NRF1: variants seen among roughly 807,000 people sequenced by gnomAD.
NRF1 encodes the protein alpha palindromic-binding protein.
NRF1 carries 5 observed loss-of-function variants against 58.5 expected under a neutral mutation model. The observed-to-expected ratio is 0.09, with a 90% confidence interval of 0.04 to 0.18. The LOEUF is 0.18. NRF1 is among the 10% of genes least tolerant of loss of function. The probability of loss-of-function intolerance (pLI) is 1.00; values close to 1 mark genes in which losing one functional copy is unlikely to be tolerated. For synonymous variants in NRF1, 224 were observed against 246.7 expected (o/e 0.91, Z 0.86); for missense variants, 288 against 657.7 (o/e 0.44, Z 6.15).
intron 3 of NRF1, among the ~76,000 whole-genome samples, chr7:129,673,512 G>A (rs956771689): frequency 2.0e-5 from 3 of 148,502 alleles, no homozygotes; most frequent in Admixed American, 1.3e-4. Flanking sequence ...GGCGGATCAC[G>A]AGGTCAGGAG....
rs370373936 is a variant in NRF1, at chr7:129,669,594, TA to T, written c.224-1829del. Among the ~76,000 whole-genome samples the T allele has an allele frequency of 1.9e-4, 29 of 152,224 alleles. No homozygotes were observed. The East Asian group carries it at 3.5e-3, about 18-fold the overall frequency. On this transcript the variant is annotated intron_variant, in intron 2 of 10. Coordinates refer to ENST00000393232, the MANE Select transcript of NRF1 (RefSeq NM_005011.5). The stretch of plus-strand genomic sequence containing the variant: ...CTGCAAGAAACCAAATAACTCAATA[TA>T]AAAAATGGGCAAGGGACTCGAATAA...
intron 4 of NRF1, among the ~76,000 whole-genome samples, chr7:129,678,836 A>T (rs1426408577): frequency 6.6e-6 from 1 of 152,190 alleles, no homozygotes; most frequent in Admixed American, 6.5e-5. Context: ...ATACTTCAGA[A>T]AATTACTCAC....
Position 129,755,256 on chromosome 7 carries a change from T to G in NRF1, c.*75T>G. 1 of 1,287,426 alleles carries G rather than the reference T, an allele frequency of 7.8e-7. No individual in the cohort carries two copies. Among genetic ancestry groups the G allele is most frequent in the Non-Finnish European group, 1.0e-6 (1 of 968,554 alleles). The allele number at this position is 1,287,426 out of a possible 1,614,324, so 79.8% of individuals were successfully genotyped here. On this transcript the variant is annotated 3_prime_UTR_variant, in exon 11 of 11. Coordinates refer to ENST00000393232, the MANE Select transcript of NRF1 (RefSeq NM_005011.5). The surrounding 1 kb of genome is among the most constrained non-coding windows in gnomAD (Gnocchi z 5.8). ...ACACGTTTGCAGAGGTGCAATCAAATGGAATTAAGTCTCTCGACTTTGGAA... is the reference window on the plus strand; with the variant it reads ...ACACGTTTGCAGAGGTGCAATCAAAGGGAATTAAGTCTCTCGACTTTGGAA...
In NRF1 at chr7:129,666,844, T is replaced by C. The variant is rs956572604; in HGVS notation, c.224-4585T>C. ...CCGCATCCAGCCTGAATATTTCACA[T>C]ATTGGTAGATAATCAGGTTGTTTGT... On this transcript the variant is annotated intron_variant, in intron 2 of 10. Coordinates refer to ENST00000393232, the MANE Select transcript of NRF1 (RefSeq NM_005011.5). 3.3e-5 allele frequency among the ~76,000 whole-genome samples: 5 copies of C among 152,238 alleles called. No individual in the cohort carries two copies. In the East Asian group the frequency reaches 9.6e-4, roughly 29 times the overall value.
At chr7:129,697,606 CAGAT>C (rs1259184325) in intron 5 of NRF1, among the ~76,000 whole-genome samples, 8 of 152,034 alleles carry the variant, frequency 5.3e-5, no homozygotes, top group South Asian at 2.1e-4. Flanking sequence ...AAGCTAGTGA[CAGAT>C]AGAACTTAGG....
At chr7:129,678,515 A>T (rs1256234980) in intron 4 of NRF1, among the ~76,000 whole-genome samples, 1 of 152,096 alleles carries the variant, frequency 6.6e-6, no homozygotes, top group Admixed American at 6.6e-5. Context: ...TATTTTTTTC[A>T]CACCATCTTC....
At chr7:129,612,522 A>G (rs1233124368) in intron 1 of NRF1, among the ~76,000 whole-genome samples, 2 of 152,162 alleles carry the variant, frequency 1.3e-5, no homozygotes, top group African/African-American at 2.4e-5. Flanking sequence ...AGGAGGGCGC[A>G]AAGTCCTTTT....
At chr7:129,696,947 A>C (rs1802712927) in intron 5 of NRF1, among the ~76,000 whole-genome samples, 1 of 152,198 alleles carries the variant, frequency 6.6e-6, no homozygotes, top group Non-Finnish European at 1.5e-5. Flanking sequence ...CTTCTGATGA[A>C]ATATATGCCC....
intron 1 of NRF1, among the ~76,000 whole-genome samples, chr7:129,645,601 G>A (rs1172167655): frequency 1.3e-5 from 2 of 152,076 alleles, no homozygotes; most frequent in Non-Finnish European, 2.9e-5. Context: ...CATTTTCTTT[G>A]GTTTCCAAAA....
intron 6 of NRF1, among the ~76,000 whole-genome samples, chr7:129,710,008 G>A (rs542804746): frequency 6.6e-6 from 1 of 152,110 alleles, no homozygotes; most frequent in Non-Finnish European, 1.5e-5. Context: ...GGGATTACAG[G>A]CGTGAGCCAC....
intron 10 of NRF1, among the ~76,000 whole-genome samples, chr7:129,746,794 T>G (rs1447109966): frequency 1.3e-5 from 2 of 152,254 alleles, no homozygotes; most frequent in African/African-American, 4.8e-5. Context: ...CCCTTTGGGT[T>G]TTAAGAATTA....
At position 129,704,848 on chromosome 7, in the gene NRF1, T is replaced by C. The variant is rs189690466; in HGVS notation, c.607-4227T>C. ...AGATCTTCAAATTAGGGATGCTCAATCTCTCCAGATTAAGGATTAAAACTG... is the reference window on the plus strand; with the variant it reads ...AGATCTTCAAATTAGGGATGCTCAACCTCTCCAGATTAAGGATTAAAACTG... On this transcript the variant is annotated intron_variant, in intron 5 of 10. Transcript: ENST00000393232. Among the ~76,000 whole-genome samples the C allele has an allele frequency of 1.9e-3, 293 of 152,336 alleles. 8 individuals are homozygous for C. The highest frequency in any genetic ancestry group is 0.015 in the Admixed American group (224 of 15,308).
At chr7:129,721,622 C>T (rs1016761135) in intron 9 of NRF1, among the ~76,000 whole-genome samples, 1 of 151,904 alleles carries the variant, frequency 6.6e-6, no homozygotes, top group Admixed American at 6.6e-5. Context: ...GCTGGGACTA[C>T]AGGCGCCCAC....
rs1269068773 is a variant in NRF1, at chr7:129,757,064, A to T, written c.*1883A>T. 3 of 152,590 alleles carry T rather than the reference A, an allele frequency of 2.0e-5. No individual in the cohort carries two copies. The highest frequency in any genetic ancestry group is 4.4e-5 in the Non-Finnish European group (3 of 68,034). The allele number at this position is 152,590 out of a possible 1,614,324, so 9.5% of individuals were successfully genotyped here. On this transcript the variant is annotated 3_prime_UTR_variant, in exon 11 of 11. Coordinates refer to ENST00000393232, the MANE Select transcript of NRF1 (RefSeq NM_005011.5). ...TGACTGCCTCATTCAATAAATAGTT[A>T]AAAATGTGGCAACAGGAAGTGGAAT...
chr7:129,748,298 A>G (rs1214568819), intron 10 of NRF1, among the ~76,000 whole-genome samples: 1 of 149,100 alleles, frequency 6.7e-6, no homozygotes, highest in African/African-American at 2.5e-5. Flanking sequence ...AAAAAAAAAG[A>G]CAGTCTTGCC....
chr7:129,671,580 A>C, intron 3 of NRF1, 37 bp downstream of exon 3: 1 of 1,105,628 alleles, frequency 9.0e-7, no homozygotes, highest in Non-Finnish European at 1.4e-6. Context: ...ACTATTCCTC[A>C]AATACTTCCT....
intron 3 of NRF1, among the ~76,000 whole-genome samples, chr7:129,677,034 A>G (rs1802197742): frequency 9.1e-6 from 1 of 109,806 alleles, no homozygotes; most frequent in Non-Finnish European, 2.0e-5. Context: ...TTTTTGAGAA[A>G]AAGTCTTGCT....
At chr7:129,747,447 CT>C (rs1804003176) in intron 10 of NRF1, among the ~76,000 whole-genome samples, 1 of 152,212 alleles carries the variant, frequency 6.6e-6, no homozygotes, top group African/African-American at 2.4e-5. Context: ...GTTGTCTCTG[CT>C]TTTCTTTCTG....
intron 10 of NRF1, among the ~76,000 whole-genome samples, chr7:129,739,427 C>T (rs1803796544): frequency 6.6e-6 from 1 of 151,946 alleles, no homozygotes; most frequent in South Asian, 2.1e-4. Context: ...ATCAATAACA[C>T]TGTGGTCTCC....
Sources: allele counts gnomAD v4.1 joint callset (sites outside exome capture counted in the v4.1 genomes callset), GRCh38; gene constraint gnomAD v4.1.1; non-coding constraint Gnocchi (gnomAD v3.1); transcripts MANE v1.5; gene names NCBI Gene and HGNC (gene_info 2026-07-23, HGNC 2026-07-21).